The following CHI3L2 variants were observed in gnomAD, a reference collection of about 807,000 sequenced individuals.
CHI3L2 encodes the protein chitinase-3-like protein 2.
In CHI3L2, 47 loss-of-function variants were observed where a neutral mutation model predicts 47.3. That is an observed-to-expected ratio of 0.99 (90% confidence interval 0.79 to 1.27). The LOEUF (loss-of-function observed/expected upper bound fraction) is 1.27, where lower values mean the gene tolerates loss of function less well. CHI3L2 is among the 50% of genes most tolerant of loss of function. The pLI is 0.00. For synonymous variants in CHI3L2, 198 were observed against 169.9 expected, an observed-to-expected ratio of 1.17 and a Z score of -1.28; for missense variants, 497 against 462.1, an observed-to-expected ratio of 1.08 and a Z score of -0.69.
chr1:111,237,958 G>T (rs1557710484), intron 7 of CHI3L2, among the ~76,000 whole-genome samples: 1 of 152,180 alleles, frequency 6.6e-6, no homozygotes, highest in Non-Finnish European at 1.5e-5. Context: ...GGCTTTATCT[G>T]CATGATAAAA....
At chr1:111,241,887 T>C (rs5003370) in intron 9 of CHI3L2, among the ~76,000 whole-genome samples, 1 of 151,990 alleles carries the variant, frequency 6.6e-6, no homozygotes, top group Non-Finnish European at 1.5e-5. Context: ...GTTCCTTTCA[T>C]GGTTAGAACA....
In CHI3L2 at chr1:111,234,024, A is replaced by G. The variant is rs542908079; in HGVS notation, c.330-883A>G. On this transcript the variant is annotated intron_variant, in intron 4 of 10. Coordinates refer to ENST00000369748, the MANE Select transcript of CHI3L2 (RefSeq NM_004000.3). ...TCGTTAAGAGTCATCACCACTCCCT[A>G]ATCTCAAGTACCCAGGGACACAAAC... Among the ~76,000 whole-genome samples, 20 of 150,026 alleles carry G rather than the reference A, an allele frequency of 1.3e-4. No homozygotes were observed. In the South Asian group the frequency reaches 3.0e-3, roughly 23 times the overall value.
chr1:111,231,401 C>A, intron 4 of CHI3L2, 107 bp downstream of exon 4: 1 of 864,460 alleles, frequency 1.2e-6, no homozygotes, highest in East Asian at 2.6e-5. Flanking sequence ...AAGAGGTTTT[C>A]CCTTGGCCAG....
chr1:111,232,830 G>A (rs1040094041), intron 4 of CHI3L2, among the ~76,000 whole-genome samples: 1 of 152,144 alleles, frequency 6.6e-6, no homozygotes, highest in African/African-American at 2.4e-5. Context: ...CAGGTGCAAT[G>A]GCTTTCTAAT....
chr1:111,231,018 C>G (rs1659702468), intron 3 of CHI3L2, 75 bp downstream of exon 3: 2 of 1,155,976 alleles, frequency 1.7e-6, no homozygotes, highest in Admixed American at 3.8e-5. Flanking sequence ...GACACTAAGA[C>G]ATACTATCTC....
At position 111,241,361 on chromosome 1, in the gene CHI3L2, G is replaced by A. The variant is rs759163304; in HGVS notation, c.953G>A (p.Arg318Gln). 23 of 1,605,782 alleles carry A rather than the reference G, an allele frequency of 1.4e-5. No homozygotes were observed. The highest frequency in any genetic ancestry group is 4.0e-5 in the African/African-American group (3 of 74,848). The change falls in exon 9 of 11, where the codon CGG (arginine) becomes CAG (glutamine). Residue 318 changes from arginine (R) to glutamine (Q), a missense_variant. By Grantham distance (43) the Arg-to-Gln change is conservative. Transcript: ENST00000369748. ...TTCCTGAAAGGAGCCAAGATCACGC[G>A]GCTCCAGGATCAGCAGGTTCCCTAC... ...CQFLKGAKIT[R>Q]LQDQQVPYAV...
chr1:111,241,485 G>A (rs745815974), intron 9 of CHI3L2, 42 bp downstream of exon 9: 3 of 981,774 alleles, frequency 3.1e-6, no homozygotes, highest in South Asian at 1.3e-5. Flanking sequence ...GTGGGGAATG[G>A]TGATATGTAG....
At chr1:111,235,549 G>A (rs2101551070) in intron 5 of CHI3L2, 90 bp from the exon 6 acceptor site, 4 of 1,435,620 alleles carry the variant, frequency 2.8e-6, no homozygotes, top group African/African-American at 1.4e-5. Context: ...ATCTAATGTG[G>A]TTCTAGAAAC....
intron 8 of CHI3L2, among the ~76,000 whole-genome samples, chr1:111,240,543 G>A (rs888363484): frequency 1.3e-5 from 2 of 152,184 alleles, no homozygotes; most frequent in Non-Finnish European, 2.9e-5. Flanking sequence ...TGGAAAGTTT[G>A]ATTTGATTGT....
chr1:111,241,302 C>T (rs756011208), intron 8 of CHI3L2, 25 bp from the exon 9 acceptor site: 1 of 1,285,254 alleles, frequency 7.8e-7, no homozygotes, highest in African/African-American at 1.4e-5. Context: ...ATTACTGACC[C>T]TCTCGTTTCC....
chr1:111,237,556 C>A (rs1659920817), intron 7 of CHI3L2, among the ~76,000 whole-genome samples: 1 of 152,182 alleles, frequency 6.6e-6, no homozygotes, highest in African/African-American at 2.4e-5. Flanking sequence ...TCTAGGCCTT[C>A]ATGTGGCTAA....
chr1:111,235,963 C>A, intron 6 of CHI3L2, 61 bp from the exon 7 acceptor site: 1 of 1,594,630 alleles, frequency 6.3e-7, no homozygotes, highest in Non-Finnish European at 8.6e-7. Context: ...AAAACAATTA[C>A]TTACAATTGT....
Position 111,235,651 on chromosome 1 carries a change from G to A in CHI3L2, c.493G>A (p.Ala165Thr), listed in dbSNP as rs1659858163. The stretch of plus-strand genomic sequence containing the variant: ...TTGTTTTTCCTAGGAGTTAGCAGAA[G>A]CCTTTCAGAAGGACTTCACAAAATC... ...FTVLIHELAE[A>T]FQKDFTKSTK... The change falls in exon 6 of 11, where the codon GCC becomes ACC. Residue 165 changes from alanine to threonine, a missense_variant. By Grantham distance (58) the Ala-to-Thr change is moderately conservative (BLOSUM62 0). Coordinates refer to ENST00000369748, the MANE Select transcript of CHI3L2 (RefSeq NM_004000.3). 2 of 1,614,064 alleles carry A rather than the reference G, an allele frequency of 1.2e-6. No individual in the cohort carries two copies. Among genetic ancestry groups the A allele is most frequent in the African/African-American group, 1.3e-5 (1 of 75,044 alleles).
At chr1:111,234,530 A>G (rs1462840725) in intron 4 of CHI3L2, among the ~76,000 whole-genome samples, 4 of 152,166 alleles carry the variant, frequency 2.6e-5, no homozygotes, top group Non-Finnish European at 5.9e-5. Flanking sequence ...TTCTGGCTAA[A>G]CTGACCTAGC....
At chr1:111,233,619 C>T (rs1281375530) in intron 4 of CHI3L2, among the ~76,000 whole-genome samples, 1 of 151,898 alleles carries the variant, frequency 6.6e-6, no homozygotes. Flanking sequence ...AGGTGAGGGG[C>T]GCCTCTGCCC....
intron 2 of CHI3L2, among the ~76,000 whole-genome samples, chr1:111,230,180 C>A (rs536659184): frequency 3.9e-5 from 6 of 152,226 alleles, no homozygotes; most frequent in South Asian, 4.2e-4. Context: ...TGTCATCCAT[C>A]CATACATACA....
At chr1:111,232,235 T>C (rs1329093657) in intron 4 of CHI3L2, among the ~76,000 whole-genome samples, 1 of 152,248 alleles carries the variant, frequency 6.6e-6, no homozygotes, top group Non-Finnish European at 1.5e-5. Context: ...CACCCTTCAA[T>C]ATGAATGGGC....
Position 111,228,219 on chromosome 1 carries a change from A to G in CHI3L2, c.40+450A>G, listed in dbSNP as rs1334223898. 2.6e-5 allele frequency among the ~76,000 whole-genome samples: 4 copies of G among 152,178 alleles called. No homozygotes were observed. In the South Asian group the frequency reaches 8.3e-4, roughly 31 times the overall value. On this transcript the variant is annotated intron_variant, in intron 1 of 10. Transcript: ENST00000369748. ...TTTTTAAACTCTCCCTTTCAACTCTAAAGTTCTGATCCAAAACTCTGGCTT... is the reference window on the plus strand; with the variant it reads ...TTTTTAAACTCTCCCTTTCAACTCTGAAGTTCTGATCCAAAACTCTGGCTT...
intron 7 of CHI3L2, 53 bp downstream of exon 7, chr1:111,236,206 G>T: frequency 8.2e-6 from 13 of 1,586,140 alleles, no homozygotes; most frequent in Non-Finnish European, 1.1e-5. Context: ...TGGGGCTGGG[G>T]AGAGTCCAGC....
Sources: allele counts gnomAD v4.1 joint callset (sites outside exome capture counted in the v4.1 genomes callset), GRCh38; gene constraint gnomAD v4.1.1; transcripts MANE v1.5; gene names NCBI Gene and HGNC (gene_info 2026-07-23, HGNC 2026-07-21).